Variants in C1orf21 observed in about 807,000 individuals in gnomAD.
C1orf21 encodes chromosome 1 open reading frame 21, also known as uncharacterized protein C1orf21.
Under a neutral mutation model 18.7 loss-of-function variants are expected in C1orf21, and 3 were observed. That is an observed-to-expected ratio of 0.16 (90% confidence interval 0.07 to 0.42). C1orf21 has a LOEUF of 0.42. Among genes scored for constraint, C1orf21 ranks in the 10% least tolerant of loss-of-function variants. The pLI is 0.99. For synonymous variants in C1orf21, 41 were observed against 46.4 expected, an observed-to-expected ratio of 0.88 and a Z score of 0.47; for missense variants, 104 against 143.6, an observed-to-expected ratio of 0.72 and a Z score of 1.41.
chr1:184,434,216 A>G (rs554815947), intron 1 of C1orf21, among the ~76,000 whole-genome samples: 8 of 152,118 alleles, frequency 5.3e-5, no homozygotes, highest in Admixed American at 3.3e-4. Context: ...CACTGGGGTA[A>G]AAGTATGAGT....
intron 1 of C1orf21, among the ~76,000 whole-genome samples, chr1:184,413,897 T>A (rs1466620519): frequency 6.6e-6 from 1 of 152,178 alleles, no homozygotes; most frequent in East Asian, 1.9e-4. Context: ...TGCCTTAAAT[T>A]TGCCAGTTTT....
intron 1 of C1orf21, among the ~76,000 whole-genome samples, chr1:184,447,909 C>T (rs529011174): frequency 2.0e-5 from 3 of 152,302 alleles, no homozygotes; most frequent in Admixed American, 2.0e-4. Context: ...CCCTGGTCCA[C>T]TTAAGTGGTC....
At chr1:184,490,660 C>T (rs1198720075) in intron 2 of C1orf21, among the ~76,000 whole-genome samples, 4 of 151,916 alleles carry the variant, frequency 2.6e-5, no homozygotes, top group Non-Finnish European at 5.9e-5. Flanking sequence ...ATGTAAGAAT[C>T]ATGTTAGGGA....
At chr1:184,586,235 G>A (rs1457341556) in intron 3 of C1orf21, among the ~76,000 whole-genome samples, 4 of 151,396 alleles carry the variant, frequency 2.6e-5, no homozygotes, top group South Asian at 4.2e-4. Context: ...ATGATTGTTG[G>A]CTGCATGTCT....
At chr1:184,481,063 G>A (rs1657647299) in intron 2 of C1orf21, among the ~76,000 whole-genome samples, 1 of 152,156 alleles carries the variant, frequency 6.6e-6, no homozygotes, top group African/African-American at 2.4e-5. Context: ...TTCCAGTGTA[G>A]TGAGTGTCTG....
At chr1:184,565,524 A>G (rs1039158958) in intron 3 of C1orf21, among the ~76,000 whole-genome samples, 4 of 152,244 alleles carry the variant, frequency 2.6e-5, no homozygotes, top group Non-Finnish European at 5.9e-5. Flanking sequence ...CTTCTCCAGA[A>G]AGGTCATCAC....
In C1orf21 at chr1:184,402,554, T is replaced by C. The variant is rs1656173413; in HGVS notation, c.-125+15186T>C. ...TGGGAGGATGGCTTGAACCCAGGAATTCAAGGTTACAGTGATTGTGCCACT... is the reference window on the plus strand; with the variant it reads ...TGGGAGGATGGCTTGAACCCAGGAACTCAAGGTTACAGTGATTGTGCCACT... On this transcript the variant is annotated intron_variant, in intron 1 of 5. Coordinates refer to ENST00000235307, the MANE Select transcript of C1orf21 (RefSeq NM_030806.4). 4.6e-5 allele frequency among the ~76,000 whole-genome samples: 7 copies of C among 151,630 alleles called. No homozygotes were observed. In the South Asian group the frequency reaches 1.3e-3, roughly 27 times the overall value.
chr1:184,612,680 C>CA (rs1176844875), intron 5 of C1orf21, among the ~76,000 whole-genome samples: 2 of 151,418 alleles, frequency 1.3e-5, no homozygotes, highest in Non-Finnish European at 2.9e-5. Context: ...GGCTCCATCT[C>CA]AAAAAACAAA....
chr1:184,423,859 GTCCATCCATCCATCCA>G (rs3033528), intron 1 of C1orf21, among the ~76,000 whole-genome samples: 495 of 147,074 alleles, frequency 3.4e-3, no homozygotes, highest in Non-Finnish European at 5.5e-3. Context: ...TCCACCCATC[GTCCATCCATCCATCCA>G]TCCATCCATC....
intron 3 of C1orf21, among the ~76,000 whole-genome samples, chr1:184,579,393 T>G (rs1200947144): frequency 1.3e-4 from 17 of 126,356 alleles, no homozygotes; most frequent in African/African-American, 3.6e-4. Context: ...TTTTTTTTTT[T>G]TTTTTTTTTT....
intron 1 of C1orf21, among the ~76,000 whole-genome samples, chr1:184,476,784 C>T (rs941694825): frequency 6.6e-6 from 1 of 152,062 alleles, no homozygotes; most frequent in African/African-American, 2.4e-5. Flanking sequence ...AGACCTTGCC[C>T]CATCTCCTTC....
At chr1:184,424,931 C>A (rs1169521221) in intron 1 of C1orf21, among the ~76,000 whole-genome samples, 2 of 152,182 alleles carry the variant, frequency 1.3e-5, no homozygotes, top group South Asian at 2.1e-4. Context: ...ATCAGAACAC[C>A]TAGCCCTGTA....
intron 2 of C1orf21, among the ~76,000 whole-genome samples, chr1:184,482,831 A>G (rs1425778554): frequency 6.6e-6 from 1 of 152,182 alleles, no homozygotes; most frequent in African/African-American, 2.4e-5. Flanking sequence ...TGTTTATACA[A>G]ATGGTAATTT....
At chr1:184,562,356 A>C (rs906141798) in intron 3 of C1orf21, among the ~76,000 whole-genome samples, 2 of 152,230 alleles carry the variant, frequency 1.3e-5, no homozygotes, top group African/African-American at 2.4e-5. Context: ...ATATAGCAAT[A>C]TCTCTCCCCG....
chr1:184,537,226 T>C (rs1658570940), intron 3 of C1orf21, among the ~76,000 whole-genome samples: 1 of 152,204 alleles, frequency 6.6e-6, no homozygotes, highest in African/African-American at 2.4e-5. Flanking sequence ...ATCACCATCA[T>C]CCATCTCCAG....
At chr1:184,460,580 G>C (rs1657285734) in intron 1 of C1orf21, among the ~76,000 whole-genome samples, 1 of 151,806 alleles carries the variant, frequency 6.6e-6, no homozygotes, top group African/African-American at 2.4e-5. Flanking sequence ...GGATTGACTT[G>C]ATAAGCATCT....
At chr1:184,567,194 A>C in intron 3 of C1orf21, 2 of 473,788 alleles carry the variant, frequency 4.2e-6, no homozygotes, top group South Asian at 3.3e-5. Context: ...CAATAGCCTA[A>C]GGCACACAAT....
At position 184,534,605 on chromosome 1, in the gene C1orf21, C is replaced by A. The variant is rs146442229; in HGVS notation, c.189+26923C>A. Among the ~76,000 whole-genome samples the A allele has an allele frequency of 7.5e-3, 1,134 of 151,940 alleles. 6 individuals carry two copies. Among genetic ancestry groups the A allele is most frequent in the Middle Eastern group, 0.02 (6 of 294 alleles). On this transcript the variant is annotated intron_variant, in intron 3 of 5. Transcript: ENST00000235307. ...GATTTAAGCTGTGTACTTTCTGATT[C>A]TTTTTTCTTTTATTCTCTTAGTCAT...
At chr1:184,493,724 CT>C (rs1657849869) in intron 2 of C1orf21, among the ~76,000 whole-genome samples, 1 of 152,062 alleles carries the variant, frequency 6.6e-6, no homozygotes, top group South Asian at 2.1e-4. Context: ...TTTCATTAAC[CT>C]TTTAGTCTTC....
Sources: gnomAD v4.1 joint callset for allele counts (sites outside exome capture counted in the v4.1 genomes callset) on GRCh38, gnomAD v4.1.1 for gene constraint, MANE v1.5 for transcripts, NCBI Gene and HGNC (gene_info 2026-07-23, HGNC 2026-07-21) for gene names.